The following TTC7A variants were observed in gnomAD, a reference collection of about 807,000 sequenced individuals.
TTC7A encodes the protein tetratricopeptide repeat protein 7A.
Under a neutral mutation model 103.7 loss-of-function variants are expected in TTC7A, and 110 were observed. The ratio of observed to expected loss-of-function variants is 1.06; its 90% CI spans 0.91 to 1.24. The LOEUF (loss-of-function observed/expected upper bound fraction) is 1.24, where lower values mean the gene tolerates loss of function less well. TTC7A is among the 50% of genes most tolerant of loss of function. The pLI is 0.00. For missense variants in TTC7A, 1,340 were observed against 1,116.3 expected, an observed-to-expected ratio of 1.20 and a Z score of -2.86; for synonymous variants, 521 against 467.9, an observed-to-expected ratio of 1.11 and a Z score of -1.47.
At chr2:46,958,748 A>G (rs937115142) in intron 3 of TTC7A, among the ~76,000 whole-genome samples, 97 of 152,104 alleles carry the variant, frequency 6.4e-4, no homozygotes, top group African/African-American at 2.0e-3. Flanking sequence ...GAGACCATGC[A>G]CGTGGCCACC....
At position 46,941,358 on chromosome 2, in the gene TTC7A, C is replaced by CTGCTGG. The variant is rs1295723361; in HGVS notation, c.-178_-173dup. ...GAGGCGCCGGGCGGTGCGCTGGGAG[C>CTGCTGG]TGCTGGTGCTGCTGCTGCTGCTGCT... On this transcript the variant is annotated 5_prime_UTR_variant, in exon 1 of 20. Coordinates refer to ENST00000319190, the MANE Select transcript of TTC7A (RefSeq NM_020458.4). The surrounding 1 kb of genome is among the most constrained non-coding windows in gnomAD (Gnocchi z 4.2). 1 of 350,248 alleles carries CTGCTGG rather than the reference C, an allele frequency of 2.9e-6. No individual in the cohort carries two copies. Among genetic ancestry groups the CTGCTGG allele is most frequent in the Non-Finnish European group, 4.4e-6 (1 of 227,744 alleles). 21.7% of individuals were successfully genotyped at this position (350,248 alleles called of 1,614,324 possible).
intron 15 of TTC7A, chr2:47,035,308 G>C (rs1481097531): frequency 6.6e-6 from 1 of 152,186 alleles, no homozygotes; most frequent in African/African-American, 2.4e-5. Flanking sequence ...ACTTTGCTGG[G>C]TTCATTAAAC....
rs1364760114 is a variant in TTC7A at position 46,990,075 on chromosome 2, G to A, written c.765-3375G>A. 4.6e-5 allele frequency among the ~76,000 whole-genome samples: 7 copies of A among 152,236 alleles called. No individual in the cohort carries two copies. In the East Asian group the frequency reaches 1.3e-3, roughly 29 times the overall value. On this transcript the variant is annotated intron_variant, in intron 5 of 19. Transcript: ENST00000319190. Reference sequence around the variant, plus strand: ...CTGCCGGCCCCCTGTAGGCCACAGGGCCCTAGGCAGCCCCGGGGTCCAGCC... The same window carrying A: ...CTGCCGGCCCCCTGTAGGCCACAGGACCCTAGGCAGCCCCGGGGTCCAGCC...
intron 11 of TTC7A, among the ~76,000 whole-genome samples, 156 bp downstream of exon 11, chr2:47,011,591 G>C (rs971255452): frequency 2.0e-5 from 3 of 152,238 alleles, no homozygotes; most frequent in Non-Finnish European, 4.4e-5. Context: ...GAAAGTCTCT[G>C]AGGAGCTGCC....
chr2:46,918,961 G>A (rs1041492361), intron 2 of TTC7A, among the ~76,000 whole-genome samples: 4 of 152,178 alleles, frequency 2.6e-5, no homozygotes, highest in African/African-American at 9.7e-5. Flanking sequence ...TGTGTACTCA[G>A]GTTGAAACTA....
At chr2:47,053,826 G>A (rs1000137693) in intron 18 of TTC7A, among the ~76,000 whole-genome samples, 4 of 152,152 alleles carry the variant, frequency 2.6e-5, no homozygotes. Flanking sequence ...TGCCCGCCGT[G>A]GCCCACCAAA....
intron 4 of TTC7A, among the ~76,000 whole-genome samples, chr2:46,977,853 G>T (rs960893009): frequency 6.6e-6 from 1 of 152,120 alleles, no homozygotes; most frequent in Admixed American, 6.5e-5. Context: ...GATTATAAAC[G>T]TGAGCCACCA....
chr2:46,998,238 G>C (rs1676420008), intron 8 of TTC7A, among the ~76,000 whole-genome samples: 1 of 152,160 alleles, frequency 6.6e-6, no homozygotes, highest in South Asian at 2.1e-4. Flanking sequence ...AGAAACTTGA[G>C]GGATTTGGGG....
rs778981167 is a variant in TTC7A at position 46,975,075 on chromosome 2, C to T, written c.620C>T (p.Ala207Val). 30 of 1,613,818 alleles carry T rather than the reference C, an allele frequency of 1.9e-5. No homozygotes were observed. The highest frequency in any genetic ancestry group is 1.2e-5 in the Non-Finnish European group (14 of 1,179,904). Reference sequence around the variant, plus strand: ...TGTTTTGAGAGGGCCTCCTGGATCGCTCAGGTGTTCCTGCAGGAATTGGAG... The same window carrying T: ...TGTTTTGAGAGGGCCTCCTGGATCGTTCAGGTGTTCCTGCAGGAATTGGAG... ...ITCFERASWI[A>V]QVFLQELEKT... Residue 207 changes from alanine to valine, a missense_variant, in exon 4 of 20, where the codon GCT becomes GTT. Ala to Val is a moderately conservative substitution (Grantham distance 64). Coordinates refer to ENST00000319190, the MANE Select transcript of TTC7A (RefSeq NM_020458.4).
rs571488780 is a variant in TTC7A at position 47,074,148 on chromosome 2, C to T, written c.*225C>T. On this transcript the variant is annotated 3_prime_UTR_variant, in exon 20 of 20. Coordinates refer to ENST00000319190, the MANE Select transcript of TTC7A (RefSeq NM_020458.4). ...AACAGTCTGACTTGAACCCTAAGTGCCTTTGGAGAGTTTTGTGGTGACCAG... is the reference window on the plus strand; with the variant it reads ...AACAGTCTGACTTGAACCCTAAGTGTCTTTGGAGAGTTTTGTGGTGACCAG... The T allele has an allele frequency of 3.5e-6, 2 of 576,828 alleles. No homozygotes were observed. The highest frequency in any genetic ancestry group is 6.2e-6 in the Non-Finnish European group (2 of 322,816). The allele number at this position is 576,828 out of a possible 1,614,324, so 35.7% of individuals were successfully genotyped here.
At chr2:46,940,546 CTT>C (rs1670241402), upstream of TTC7A, among the ~76,000 whole-genome samples, 1 of 152,220 alleles carries the variant, frequency 6.6e-6, no homozygotes, top group South Asian at 2.1e-4. The surrounding 1 kb of genome is among the most constrained non-coding windows in gnomAD (Gnocchi z 4.7). Flanking sequence ...TGATCACAGT[CTT>C]AGACCAGCAT....
chr2:46,917,669 C>T (rs1009604921), intron 2 of TTC7A, among the ~76,000 whole-genome samples: 2 of 152,174 alleles, frequency 1.3e-5, no homozygotes, highest in Admixed American at 6.5e-5. Context: ...CCCTCTCTAC[C>T]AGATAATTCC....
At chr2:47,059,223 A>G (rs1683574628) in intron 18 of TTC7A, among the ~76,000 whole-genome samples, 1 of 151,400 alleles carries the variant, frequency 6.6e-6, no homozygotes, top group African/African-American at 2.4e-5. Context: ...GGGTTTCACC[A>G]TCCTGGCCAG....
chr2:47,066,252 AT>A (rs1684171789), intron 19 of TTC7A: 1 of 152,110 alleles, frequency 6.6e-6, no homozygotes, highest in East Asian at 1.9e-4. Context: ...AGGCCGCCTC[AT>A]TCTTTAAGTG....
At chr2:46,922,424 T>C (rs1472917888) in intron 2 of TTC7A, among the ~76,000 whole-genome samples, 1 of 152,212 alleles carries the variant, frequency 6.6e-6, no homozygotes, top group Non-Finnish European at 1.5e-5. Flanking sequence ...CTGCCTGCTA[T>C]ACATTTTTAG....
intron 2 of TTC7A, among the ~76,000 whole-genome samples, chr2:46,955,270 CAG>C (rs1484432685): frequency 6.6e-6 from 1 of 152,210 alleles, no homozygotes; most frequent in African/African-American, 2.4e-5. Flanking sequence ...GCAGGGAACG[CAG>C]AGTCACTGCC....
In TTC7A at chr2:46,968,875, T is replaced by G. The variant is rs61118348; in HGVS notation, c.518-6098T>G. ...AGAACATTTCTATCACCACAGAAAG[T>G]CCCCTTGGGCTCTTTTCTAATTGGT... is the stretch of plus-strand genomic sequence containing the variant. On this transcript the variant is annotated intron_variant, in intron 3 of 19. Transcript: ENST00000319190. Among the ~76,000 whole-genome samples, 542 of 152,070 alleles carry G rather than the reference T, an allele frequency of 3.6e-3. 2 individuals are homozygous for G. The highest frequency in any genetic ancestry group is 0.012 in the African/African-American group (494 of 41,486).
intron 19 of TTC7A, among the ~76,000 whole-genome samples, chr2:47,065,498 G>T (rs1038730234): frequency 6.6e-6 from 1 of 152,180 alleles, no homozygotes; most frequent in Non-Finnish European, 1.5e-5. Context: ...GCCATCTCCA[G>T]GCTGATAAGG....
chr2:46,975,125 G>T, intron 4 of TTC7A, 22 bp downstream of exon 4: 1 of 1,611,946 alleles, frequency 6.2e-7, no homozygotes, highest in South Asian at 1.1e-5. Context: ...ATAACACCGT[G>T]GTAGGAGCTG....
Sources: gnomAD v4.1 joint callset for allele counts (sites outside exome capture counted in the v4.1 genomes callset) on GRCh38, gnomAD v4.1.1 for gene constraint, Gnocchi (gnomAD v3.1) non-coding constraint, MANE v1.5 for transcripts, NCBI Gene and HGNC (gene_info 2026-07-23, HGNC 2026-07-21) for gene names.